XNDC1N: variants seen among roughly 807,000 people sequenced by gnomAD.
XNDC1N encodes the protein XRCC1 N-terminal domain containing 1, N-terminal like, also known as protein XNDC1N.
At chr11:71,891,905 AC>A in the XNDC1N span, among the ~76,000 whole-genome samples, 14 of 151,596 alleles carry the variant, frequency 9.2e-5, no homozygotes, top group South Asian at 1.5e-3. Context: ...GGTGGTGTAC[AC>A]CCCCTGTGAT....
the XNDC1N span, chr11:71,884,748 C>T: frequency 3.4e-6 from 3 of 871,744 alleles, no homozygotes; most frequent in Non-Finnish European, 5.2e-6. Flanking sequence ...ACATTTACTC[C>T]CTTAATTTAC....
At chr11:71,923,716 C>T in the XNDC1N span, among the ~76,000 whole-genome samples, 3 of 152,034 alleles carry the variant, frequency 2.0e-5, no homozygotes, top group East Asian at 1.9e-4. Context: ...CCACCACGCC[C>T]GGCTAATTTT....
chr11:71,895,563 G>A, the XNDC1N span, among the ~76,000 whole-genome samples: 1 of 149,806 alleles, frequency 6.7e-6, no homozygotes, highest in Non-Finnish European at 1.5e-5. Flanking sequence ...CCGACCTCAG[G>A]TGATCCGCCC....
At chr11:71,928,364 C>G in the XNDC1N span, 1 of 668,138 alleles carries the variant, frequency 1.5e-6, no homozygotes, top group Non-Finnish European at 2.7e-6. Flanking sequence ...ACGCCCCTCA[C>G]CCGGGACCGT....
chr11:71,923,284 A>C, the XNDC1N span: 1 of 702,598 alleles, frequency 1.4e-6, no homozygotes. Flanking sequence ...TTAAGAAAAC[A>C]AATCATGCCT....
At chr11:71,868,027 T>C in the XNDC1N span, among the ~76,000 whole-genome samples, 2 of 152,244 alleles carry the variant, frequency 1.3e-5, no homozygotes, top group African/African-American at 4.8e-5. Context: ...TTGAACCCTT[T>C]ACCATTATGT....
At chr11:71,923,834 T>G in the XNDC1N span, among the ~76,000 whole-genome samples, 1 of 152,030 alleles carries the variant, frequency 6.6e-6, no homozygotes, top group Non-Finnish European at 1.5e-5. Context: ...GGATTACAGG[T>G]GTGAGCCACT....
the XNDC1N span, chr11:71,918,779 T>G: frequency 1.6e-6 from 1 of 641,812 alleles, no homozygotes; most frequent in Non-Finnish European, 2.8e-6. Flanking sequence ...ACTTATTCCA[T>G]AAAGGCTGCT....
the XNDC1N span, among the ~76,000 whole-genome samples, chr11:71,905,048 T>C: frequency 6.6e-6 from 1 of 151,998 alleles, no homozygotes; most frequent in Non-Finnish European, 1.5e-5. Flanking sequence ...CTTTAGGATA[T>C]TACCAATAAT....
chr11:71,895,113 GA>G, the XNDC1N span, among the ~76,000 whole-genome samples: 1 of 30,466 alleles, frequency 3.3e-5, no homozygotes, highest in East Asian at 1.6e-3. Flanking sequence ...TGAGTGTGTG[GA>G]TTTTTTTTTT....
the XNDC1N span, among the ~76,000 whole-genome samples, chr11:71,925,680 G>A: frequency 6.6e-6 from 1 of 152,114 alleles, no homozygotes; most frequent in Admixed American, 6.6e-5. Flanking sequence ...TGTAATCCCA[G>A]CACTTTGGGA....
chr11:71,888,271 AAGC>A, the XNDC1N span, among the ~76,000 whole-genome samples: 3 of 152,198 alleles, frequency 2.0e-5, no homozygotes, highest in Non-Finnish European at 4.4e-5. Context: ...ATCAGAAAGA[AAGC>A]AGGTCATTTG....
the XNDC1N span, among the ~76,000 whole-genome samples, chr11:71,906,224 T>C: frequency 6.6e-6 from 1 of 151,820 alleles, no homozygotes; most frequent in Non-Finnish European, 1.5e-5. Flanking sequence ...CTCATCAGAA[T>C]ATTACGAATA....
chr11:71,893,213 GT>G, the XNDC1N span, among the ~76,000 whole-genome samples: 1 of 152,154 alleles, frequency 6.6e-6, no homozygotes, highest in African/African-American at 2.4e-5. Context: ...TATATGTGAC[GT>G]TTTGGTCTTC....
the XNDC1N span, among the ~76,000 whole-genome samples, chr11:71,901,138 G>T: frequency 6.6e-6 from 1 of 152,256 alleles, no homozygotes; most frequent in Non-Finnish European, 1.5e-5. Context: ...GGATCATTCG[G>T]GGCGCATCTC....
the XNDC1N span, among the ~76,000 whole-genome samples, chr11:71,872,366 C>G: frequency 6.6e-6 from 1 of 152,230 alleles, no homozygotes. Context: ...AACTAATACA[C>G]TACCCCTGTG....
At chr11:71,895,403 C>G in the XNDC1N span, among the ~76,000 whole-genome samples, 37 of 146,784 alleles carry the variant, frequency 2.5e-4, no homozygotes, top group African/African-American at 9.7e-4. Context: ...TCTGCCTCCC[C>G]TATTCAAGCA....
the XNDC1N span, among the ~76,000 whole-genome samples, chr11:71,897,930 C>T: frequency 6.6e-6 from 1 of 152,198 alleles, no homozygotes. Flanking sequence ...CGCCTGTAAT[C>T]GCAGCGTCTT....
the XNDC1N span, among the ~76,000 whole-genome samples, chr11:71,882,564 T>C: frequency 6.6e-6 from 1 of 152,202 alleles, no homozygotes; most frequent in Non-Finnish European, 1.5e-5. Context: ...TACATAATTT[T>C]CTTAGGTAAC....
Sources: gnomAD v4.1 joint callset for allele counts (sites outside exome capture counted in the v4.1 genomes callset) on GRCh38, gnomAD v4.1.1 for gene constraint, MANE v1.5 for transcripts, NCBI Gene and HGNC (gene_info 2026-07-23, HGNC 2026-07-21) for gene names.